The following ZFPM2 variants were observed in gnomAD, a reference collection of about 807,000 sequenced individuals.
The protein encoded by ZFPM2 is zinc finger protein, FOG family member 2, also known as zinc finger protein ZFPM2.
In ZFPM2, 20 loss-of-function variants were observed where a neutral mutation model predicts 98.6. That is an observed-to-expected ratio of 0.20 (90% CI 0.14 to 0.29). ZFPM2 has a LOEUF of 0.29. ZFPM2 is among the 10% of genes least tolerant of loss of function. The probability of loss-of-function intolerance (pLI) is 1.00; values close to 1 mark genes in which losing one functional copy is unlikely to be tolerated. For synonymous variants in ZFPM2, 518 were observed against 502.7 expected (o/e 1.03, Z -0.41); for missense variants, 1,310 against 1,388.6 (o/e 0.94, Z 0.90).
At chr8:105,328,252 T>C (rs754242439) in intron 1 of ZFPM2, among the ~76,000 whole-genome samples, 6 of 151,816 alleles carry the variant, frequency 4.0e-5, no homozygotes, top group Non-Finnish European at 7.4e-5. Flanking sequence ...TGGATGTATA[T>C]TGACAACATT....
At chr8:105,753,773 C>T (rs897161987) in intron 5 of ZFPM2, among the ~76,000 whole-genome samples, 12 of 152,142 alleles carry the variant, frequency 7.9e-5, no homozygotes, top group African/African-American at 2.2e-4. Flanking sequence ...AAAGTGGTAA[C>T]AAAAATATCA....
At chr8:105,532,805 T>A (rs10098139) in intron 3 of ZFPM2, among the ~76,000 whole-genome samples, 58,287 of 151,972 alleles carry the variant, frequency 0.38, 11,951 homozygotes, top group African/African-American at 0.54. Flanking sequence ...TCGTTATGGC[T>A]GGTTTACAAG....
At chr8:105,409,039 C>A (rs1811523479) in intron 1 of ZFPM2, among the ~76,000 whole-genome samples, 2 of 151,936 alleles carry the variant, frequency 1.3e-5, no homozygotes, top group African/African-American at 4.8e-5. Context: ...AGCAGTGGAA[C>A]ATGTGTGTGA....
At chr8:105,456,180 A>G (rs1258403628) in intron 3 of ZFPM2, among the ~76,000 whole-genome samples, 1 of 139,768 alleles carries the variant, frequency 7.2e-6, no homozygotes, top group Non-Finnish European at 1.6e-5. Context: ...TTTTTTTTTA[A>G]GAAGGAAGGG....
In ZFPM2 at chr8:105,759,790, A is replaced by G. The variant is rs538749617; in HGVS notation, c.533-28928A>G. Among the ~76,000 whole-genome samples the G allele has an allele frequency of 3.9e-5, 6 of 151,980 alleles. No individual in the cohort carries two copies. In the East Asian group the frequency reaches 9.8e-4, roughly 25 times the overall value. On this transcript the variant is annotated intron_variant, in intron 5 of 7. Transcript: ENST00000407775. ...TCACCATGACCCTCTCTACCTTTAT[A>G]TCTTGCTTACTGGTGCATGCAAAGA...
chr8:105,323,458 C>T (rs184301390), intron 1 of ZFPM2, among the ~76,000 whole-genome samples: 6 of 151,844 alleles, frequency 4.0e-5, no homozygotes, highest in East Asian at 1.9e-4. Context: ...AGCAACATTT[C>T]GGAAAACCTA....
At chr8:105,640,326 G>A (rs1030318647) in intron 5 of ZFPM2, among the ~76,000 whole-genome samples, 1 of 151,800 alleles carries the variant, frequency 6.6e-6, no homozygotes, top group Non-Finnish European at 1.5e-5. Flanking sequence ...TCTTTGGCTT[G>A]ACTTTAAAGA....
At chr8:105,749,428 A>G (rs1812426242) in intron 5 of ZFPM2, among the ~76,000 whole-genome samples, 1 of 152,062 alleles carries the variant, frequency 6.6e-6, no homozygotes. Flanking sequence ...GGGCAAAAGG[A>G]CAAAATTGTT....
chr8:105,713,795 T>G (rs1811457116), intron 5 of ZFPM2, among the ~76,000 whole-genome samples: 1 of 152,152 alleles, frequency 6.6e-6, no homozygotes, highest in Non-Finnish European at 1.5e-5. Context: ...TCCCAGGTTC[T>G]CTATTCTGTT....
At chr8:105,322,499 A>G (rs1394445187) in intron 1 of ZFPM2, among the ~76,000 whole-genome samples, 2 of 146,088 alleles carry the variant, frequency 1.4e-5, no homozygotes, top group African/African-American at 5.1e-5. Flanking sequence ...GCTCTCTAGT[A>G]GTTAATATAG....
intron 1 of ZFPM2, among the ~76,000 whole-genome samples, chr8:105,349,768 T>C (rs1203101469): frequency 1.3e-5 from 2 of 152,234 alleles, no homozygotes; most frequent in Non-Finnish European, 2.9e-5. Flanking sequence ...TACCATGATA[T>C]ATCACTTGTT....
chr8:105,385,766 T>C (rs1034780847), intron 1 of ZFPM2, among the ~76,000 whole-genome samples: 2 of 152,206 alleles, frequency 1.3e-5, no homozygotes, highest in African/African-American at 4.8e-5. Context: ...ATTTTATCCA[T>C]AGAGGACAGA....
intron 1 of ZFPM2, among the ~76,000 whole-genome samples, chr8:105,388,218 A>G (rs552812812): frequency 1.3e-5 from 2 of 152,264 alleles, no homozygotes; most frequent in East Asian, 1.9e-4. Flanking sequence ...CACACACACA[A>G]CTGCAGTACT....
intron 5 of ZFPM2, chr8:105,785,246 G>T (rs1054471705): frequency 1.3e-5 from 2 of 151,974 alleles, no homozygotes; most frequent in African/African-American, 4.8e-5. Flanking sequence ...AGTCTGTCAG[G>T]TACCCCAAAC....
intron 5 of ZFPM2, among the ~76,000 whole-genome samples, chr8:105,657,386 G>A (rs1311617292): frequency 6.6e-6 from 1 of 152,072 alleles, no homozygotes; most frequent in East Asian, 1.9e-4. Context: ...TGATCCATCC[G>A]CCTCGGCCTC....
intron 1 of ZFPM2, among the ~76,000 whole-genome samples, chr8:105,401,850 A>G (rs1811347483): frequency 1.3e-5 from 2 of 152,132 alleles, no homozygotes; most frequent in African/African-American, 2.4e-5. Flanking sequence ...TTTAGAAACT[A>G]TTGAGCTTTG....
At chr8:105,619,838 A>C (rs1315456095) in intron 4 of ZFPM2, among the ~76,000 whole-genome samples, 1 of 152,092 alleles carries the variant, frequency 6.6e-6, no homozygotes, top group Non-Finnish European at 1.5e-5. Flanking sequence ...AGCTTCATCC[A>C]TGTCCCTACA....
chr8:105,481,682 G>T (rs1325070369), intron 3 of ZFPM2, among the ~76,000 whole-genome samples: 1 of 152,168 alleles, frequency 6.6e-6, no homozygotes, highest in Non-Finnish European at 1.5e-5. Flanking sequence ...TCTGTTAAGT[G>T]AATGGTATTA....
chr8:105,531,849 C>A (rs1814304220), intron 3 of ZFPM2, among the ~76,000 whole-genome samples: 1 of 152,132 alleles, frequency 6.6e-6, no homozygotes, highest in South Asian at 2.1e-4. Context: ...TTTTCTGCTA[C>A]TGTAATGGGT....
Sources: gnomAD v4.1 joint callset for allele counts (sites outside exome capture counted in the v4.1 genomes callset) on GRCh38, gnomAD v4.1.1 for gene constraint, MANE v1.5 for transcripts, NCBI Gene and HGNC (gene_info 2026-07-23, HGNC 2026-07-21) for gene names.